PLCE1: variants seen among roughly 807,000 people sequenced by gnomAD.
The protein encoded by PLCE1 is phospholipase C epsilon 1.
In PLCE1, 119 loss-of-function variants were observed where a neutral mutation model predicts 242.8. The ratio of observed to expected loss-of-function variants is 0.49; its 90% CI spans 0.42 to 0.57. PLCE1 has a LOEUF of 0.57. PLCE1 is among the 20% of genes least tolerant of loss of function. The pLI is 0.00. For synonymous variants in PLCE1, 945 were observed against 1,017.4 expected, an observed-to-expected ratio of 0.93 and a Z score of 1.35; for missense variants, 2,441 against 2,788.8, an observed-to-expected ratio of 0.88 and a Z score of 2.81.
rs2045035301 is a variant in PLCE1 at position 94,090,751 on chromosome 10, C to T, written c.1207-41423C>T. Among the ~76,000 whole-genome samples the T allele has an allele frequency of 3.9e-5, 6 of 152,282 alleles. 1 individual carries two copies. In the South Asian group the frequency reaches 1.2e-3, roughly 32 times the overall value. Reference sequence around the variant, plus strand: ...TTCGGTGAGCCCTTTCAGCCTATGTCGTCCTGTTTTTCTTTTTGGAAACAG... The same window carrying T: ...TTCGGTGAGCCCTTTCAGCCTATGTTGTCCTGTTTTTCTTTTTGGAAACAG... On this transcript the variant is annotated intron_variant, in intron 2 of 32. Transcript: ENST00000371380.
At chr10:94,098,921 G>A (rs573432207) in intron 2 of PLCE1, among the ~76,000 whole-genome samples, 2 of 152,322 alleles carry the variant, frequency 1.3e-5, no homozygotes, top group East Asian at 3.9e-4. Flanking sequence ...AGGGCAGCAA[G>A]GATTTTCTTT....
chr10:94,091,059 T>A (rs1424882156), intron 2 of PLCE1, among the ~76,000 whole-genome samples: 1 of 152,172 alleles, frequency 6.6e-6, no homozygotes, highest in Non-Finnish European at 1.5e-5. Flanking sequence ...ATATATAATT[T>A]TTTGTCAGTG....
At chr10:94,265,135 C>T (rs2051467252) in intron 14 of PLCE1, among the ~76,000 whole-genome samples, 2 of 152,212 alleles carry the variant, frequency 1.3e-5, no homozygotes, top group South Asian at 4.1e-4. Flanking sequence ...ACAAATGAGT[C>T]TAGGTTTCAA....
At chr10:94,054,863 T>G (rs1182335766) in intron 2 of PLCE1, among the ~76,000 whole-genome samples, 7 of 151,850 alleles carry the variant, frequency 4.6e-5, no homozygotes, top group Non-Finnish European at 8.8e-5. Context: ...GTACAAAAAA[T>G]TAGCTGGACG....
intron 2 of PLCE1, among the ~76,000 whole-genome samples, chr10:94,075,079 T>G (rs2044463081): frequency 6.6e-6 from 1 of 152,208 alleles, no homozygotes; most frequent in African/African-American, 2.4e-5. Context: ...AATTATTATC[T>G]TTCAAGAACT....
At chr10:94,210,900 C>T (rs1284797358) in intron 4 of PLCE1, among the ~76,000 whole-genome samples, 2 of 152,214 alleles carry the variant, frequency 1.3e-5, no homozygotes, top group Non-Finnish European at 2.9e-5. Context: ...AATTCTTCCC[C>T]AAATCTCTAT....
chr10:94,192,904 A>G (rs2048713883), intron 4 of PLCE1, among the ~76,000 whole-genome samples: 1 of 152,026 alleles, frequency 6.6e-6, no homozygotes, highest in Non-Finnish European at 1.5e-5. Flanking sequence ...CTCTCATCTG[A>G]TCTTGGAAAA....
chr10:94,080,719 C>T (rs2044631420), intron 2 of PLCE1, among the ~76,000 whole-genome samples: 3 of 152,162 alleles, frequency 2.0e-5, no homozygotes, highest in Admixed American at 1.3e-4. Flanking sequence ...CAGAGTTATC[C>T]AGGCACTTCT....
intron 4 of PLCE1, among the ~76,000 whole-genome samples, chr10:94,179,512 G>GTTTTTTTTTTTTTTTTGTTT (rs2048230633): frequency 5.2e-5 from 1 of 19,398 alleles, no homozygotes; most frequent in Non-Finnish European, 1.0e-4. Flanking sequence ...TTTTAGTTTA[G>GTTTTTTTTTTTTTTTTGTTT]TTTTTTTTTT....
chr10:94,306,563 G>A lies in PLCE1; in HGVS notation c.5759G>A (p.Trp1920Ter), dbSNP rs755120877. Residue 1920 changes from tryptophan (W) to a stop codon, truncating the protein, a stop_gained, in exon 26 of 33, where the codon TGG (tryptophan) becomes TAG (stop). Transcript: ENST00000371380. LOFTEE classifies it high-confidence loss of function. This position sits in a 1 kb window ranked among gnomAD's most constrained non-coding sequence, Gnocchi z 5.7. ...CATCGAAACACCCTGAACCCCATGT[G>A]GAACGAGCAGTTTCTGTTCCACGTT... ...PIHRNTLNPM[W>*]NEQFLFHVHF... The A allele has an allele frequency of 6.2e-7, 1 of 1,614,088 alleles. No individual in the cohort carries two copies. The highest frequency in any genetic ancestry group is 1.7e-5 in the Admixed American group (1 of 60,018).
At chr10:94,137,328 T>C (rs1393979824) in intron 3 of PLCE1, among the ~76,000 whole-genome samples, 1 of 152,200 alleles carries the variant, frequency 6.6e-6, no homozygotes, top group Non-Finnish European at 1.5e-5. Flanking sequence ...AGGAAGAAAT[T>C]TTCAAAGCTA....
At chr10:94,228,699 G>C (rs1400252853) in intron 5 of PLCE1, among the ~76,000 whole-genome samples, 3 of 150,130 alleles carry the variant, frequency 2.0e-5, no homozygotes, top group Non-Finnish European at 4.4e-5. Flanking sequence ...TTTTTTTTTT[G>C]TCGTTTTCAA....
In PLCE1 at chr10:94,234,319, C is replaced by G. The variant is rs201418194; in HGVS notation, c.2214+7C>G. ...CCAAGAAGAAACTTTAGAGGTAAGG[C>G]CTTTCAGAATCATCGTGGCCTGAAG... On this transcript the variant is annotated splice_region_variant and intron_variant, in intron 6 of 32. Coordinates refer to ENST00000371380, the MANE Select transcript of PLCE1 (RefSeq NM_016341.4). 1 of 1,613,552 alleles carries G rather than the reference C, an allele frequency of 6.2e-7. No homozygotes were observed.
chr10:94,125,398 A>T (rs553889264), intron 2 of PLCE1, among the ~76,000 whole-genome samples: 2 of 145,384 alleles, frequency 1.4e-5, no homozygotes, highest in Non-Finnish European at 3.0e-5. Context: ...TTAGCGCCTT[A>T]TTTTTTTTTT....
chr10:94,263,162 G>A (rs976995782), intron 14 of PLCE1, among the ~76,000 whole-genome samples: 7 of 151,986 alleles, frequency 4.6e-5, no homozygotes, highest in African/African-American at 1.4e-4. Context: ...GAGCCACTGC[G>A]CCCGACCTTG....
chr10:94,093,781 C>G (rs2045173887), intron 2 of PLCE1, among the ~76,000 whole-genome samples: 1 of 151,996 alleles, frequency 6.6e-6, no homozygotes, highest in Admixed American at 6.6e-5. Context: ...CACTCTGTGT[C>G]GCAGAGTAGA....
chr10:94,115,650 G>A (rs376285413), intron 2 of PLCE1, among the ~76,000 whole-genome samples: 26 of 152,106 alleles, frequency 1.7e-4, no homozygotes, highest in African/African-American at 5.3e-4. Context: ...TTCATTGTAA[G>A]TTCTGGATAT....
At chr10:94,220,910 C>T (rs556535180) in intron 4 of PLCE1, among the ~76,000 whole-genome samples, 3 of 152,302 alleles carry the variant, frequency 2.0e-5, no homozygotes, top group South Asian at 2.1e-4. Flanking sequence ...CCTCCAGCGC[C>T]GGGCTCCGCC....
At chr10:94,132,693 G>C (rs1252178947) in intron 3 of PLCE1, among the ~76,000 whole-genome samples, 1 of 151,552 alleles carries the variant, frequency 6.6e-6, no homozygotes, top group Non-Finnish European at 1.5e-5. Flanking sequence ...GCTCACACCT[G>C]TAATCCCAGC....
Sources: gnomAD v4.1 joint callset for allele counts (sites outside exome capture counted in the v4.1 genomes callset) on GRCh38, gnomAD v4.1.1 for gene constraint, Gnocchi (gnomAD v3.1) non-coding constraint, MANE v1.5 for transcripts, NCBI Gene and HGNC (gene_info 2026-07-23, HGNC 2026-07-21) for gene names.